Variants in TNC observed in about 807,000 individuals in gnomAD.
TNC encodes the protein tenascin C.
In TNC, 109 loss-of-function variants were observed where a neutral mutation model predicts 202.4. The observed-to-expected ratio is 0.54, with a 90% CI of 0.46 to 0.63. TNC has a LOEUF of 0.63. Among genes scored for constraint, TNC ranks in the 30% least tolerant of loss-of-function variants. TNC has a pLI of 0.00. For missense variants in TNC, 2,756 were observed against 2,833.3 expected (o/e 0.97, Z 0.62); for synonymous variants, 1,007 against 1,089.7 (o/e 0.92, Z 1.50).
intron 3 of TNC, 110 bp downstream of exon 3, chr9:115,085,754 A>G (rs1834661454): frequency 9.4e-7 from 1 of 1,066,434 alleles, no homozygotes; most frequent in East Asian, 2.6e-5. Context: ...TAATACGTAC[A>G]AAGAATCAGT....
Position 115,083,235 on chromosome 9 carries a change from G to A in TNC, c.2132-428C>T, listed in dbSNP as rs561183602. ...TCCACTCCAGTGTGTAGACTGCTGG[G>A]CCTGGTTCGTGGCATGCAGAACAAG... On this transcript the variant is annotated intron_variant, in intron 4 of 27. Transcript: ENST00000350763. Among the ~76,000 whole-genome samples the A allele has an allele frequency of 3.3e-5, 5 of 152,264 alleles. No homozygotes were observed. In the East Asian group the frequency reaches 9.7e-4, roughly 29 times the overall value.
At chr9:115,058,124 C>A (rs1277696103) in intron 14 of TNC, among the ~76,000 whole-genome samples, 1 of 152,186 alleles carries the variant, frequency 6.6e-6, no homozygotes, top group Non-Finnish European at 1.5e-5. Context: ...ACCAAGAGGG[C>A]TAAGCCAAGG....
rs1325122005 is a variant in TNC, at chr9:115,073,817, G to C, written c.3000C>G (p.Ser1000Arg). The change falls in exon 10 of 28, where the codon AGC (serine) becomes AGG (arginine). Residue 1000 changes from serine (S) to arginine (R), a missense_variant. Physicochemically the swap from Ser to Arg is moderately radical, Grantham distance 110. Coordinates refer to ENST00000350763, the MANE Select transcript of TNC (RefSeq NM_002160.4). ...DLQVSETAETSLTLLWKTPLA... is the reference protein window; with the variant it reads ...DLQVSETAETRLTLLWKTPLA... Reference sequence around the variant, plus strand: ...ACGGTGTCTTCCAGAGCAGGGTCAGGCTGGTCTCTGCAGTTTCAGAAACCT... The same window carrying C: ...ACGGTGTCTTCCAGAGCAGGGTCAGCCTGGTCTCTGCAGTTTCAGAAACCT... 2.5e-6 allele frequency: 4 copies of C among 1,613,532 alleles called. No individual in the cohort carries two copies. The highest frequency in any genetic ancestry group is 3.3e-4 in the Middle Eastern group (2 of 6,084).
intron 1 of TNC, among the ~76,000 whole-genome samples, chr9:115,100,836 G>A (rs1836174035): frequency 6.6e-6 from 1 of 152,180 alleles, no homozygotes. Context: ...TTATCACGTT[G>A]TATACCTTAA....
chr9:115,047,106 T>C (rs1368558926), intron 16 of TNC, among the ~76,000 whole-genome samples: 1 of 152,290 alleles, frequency 6.6e-6, no homozygotes, highest in Non-Finnish European at 1.5e-5. Flanking sequence ...CCAGCATTAA[T>C]GATCTGTAGA....
intron 26 of TNC, among the ~76,000 whole-genome samples, chr9:115,025,046 C>T (rs1482086712): frequency 6.6e-6 from 1 of 152,178 alleles, no homozygotes; most frequent in Non-Finnish European, 1.5e-5. Context: ...AGGATGCTCT[C>T]CTGCAGAAGG....
At chr9:115,090,224 A>G (rs968263162) in intron 2 of TNC, among the ~76,000 whole-genome samples, 2 of 152,150 alleles carry the variant, frequency 1.3e-5, no homozygotes, top group African/African-American at 2.4e-5. Context: ...TAGAAATTTC[A>G]TGGCGTACTC....
At chr9:115,094,075 A>T (rs1230342225) in intron 1 of TNC, among the ~76,000 whole-genome samples, 2 of 152,170 alleles carry the variant, frequency 1.3e-5, no homozygotes, top group East Asian at 3.8e-4. Context: ...CTAAACCATG[A>T]CCTCATATAT....
chr9:115,060,124 G>T, intron 13 of TNC, 122 bp from the exon 14 acceptor site: 3 of 1,130,624 alleles, frequency 2.7e-6, no homozygotes, highest in Non-Finnish European at 3.6e-6. Flanking sequence ...TTTAATTCTT[G>T]GTCTCTGAGC....
intron 5 of TNC, 41 bp from the exon 6 acceptor site, chr9:115,081,969 C>T (rs766107229): frequency 4.5e-6 from 7 of 1,541,072 alleles, no homozygotes; most frequent in Admixed American, 2.3e-5. Flanking sequence ...AGGGGAGGTG[C>T]CAGTCTCTTA....
chr9:115,050,217 G>A (rs942739533), intron 15 of TNC, among the ~76,000 whole-genome samples: 1 of 152,104 alleles, frequency 6.6e-6, no homozygotes, highest in Non-Finnish European at 1.5e-5. Context: ...GGCAATCAAG[G>A]GCTTGTTATT....
chr9:115,088,271 T>A (rs1392344459), intron 2 of TNC, among the ~76,000 whole-genome samples: 2 of 152,224 alleles, frequency 1.3e-5, no homozygotes, highest in Non-Finnish European at 2.9e-5. Context: ...TTTCCAAAGT[T>A]TTTTGTGGAA....
At chr9:115,117,437 G>T (rs1353944316) in intron 1 of TNC, among the ~76,000 whole-genome samples, 2 of 152,202 alleles carry the variant, frequency 1.3e-5, no homozygotes, top group East Asian at 3.8e-4. Context: ...CCTCTCTTCT[G>T]TCCCCCAGCT....
intron 1 of TNC, among the ~76,000 whole-genome samples, chr9:115,104,895 G>A (rs1223341205): frequency 1.3e-5 from 2 of 152,170 alleles, no homozygotes; most frequent in African/African-American, 4.8e-5. Context: ...TTAGGCTTTC[G>A]GGAAAAGGTG....
At chr9:115,077,431 T>C (rs993156270) in intron 7 of TNC, among the ~76,000 whole-genome samples, 3 of 152,046 alleles carry the variant, frequency 2.0e-5, no homozygotes, top group Non-Finnish European at 4.4e-5. Context: ...GACCTCATGA[T>C]CTGCCTGCAT....
chr9:115,035,299 C>T lies in TNC; in HGVS notation c.5692G>A (p.Val1898Ile). Reference protein sequence around the residue: ...DSPRDLTATEVQSETALLTWR... With the variant: ...DSPRDLTATEIQSETALLTWR... ...GTAAGGAGGGCAGTTTCCGACTGAACCTCAGTAGCAGTCAAGTCTCTTGGA... is the reference window on the plus strand; with the variant it reads ...GTAAGGAGGGCAGTTTCCGACTGAATCTCAGTAGCAGTCAAGTCTCTTGGA... Residue 1898 changes from valine (V) to isoleucine (I), a missense_variant, in exon 22 of 28, where the codon GTT becomes ATT. Val to Ile is a conservative substitution (Grantham distance 29). Around this residue, in one of 2 missense-constraint regions of TNC, gnomAD observed 2,559 missense variants for 2,546.0 expected, o/e 1.01. Transcript: ENST00000350763. The T allele has an allele frequency of 2.5e-6, 4 of 1,613,370 alleles. No individual in the cohort carries two copies. Among genetic ancestry groups the T allele is most frequent in the Non-Finnish European group, 3.4e-6 (4 of 1,179,666 alleles).
Position 115,055,990 on chromosome 9 carries a change from TG to T in TNC, c.4579+1162del, listed in dbSNP as rs1371942039. On this transcript the variant is annotated intron_variant, in intron 15 of 27. Transcript: ENST00000350763. ...CCTGGCTGAGATAGCAACTGGATAA[TG>T]TTGGCTCTCTCTGCCTTATCCATGG... Among the ~76,000 whole-genome samples the T allele has an allele frequency of 2.0e-5, 3 of 152,170 alleles. No individual in the cohort carries two copies. In the East Asian group the frequency reaches 5.8e-4, roughly 29 times the overall value.
Position 115,020,203 on chromosome 9 carries a change from C to G in TNC, c.*954G>C, listed in dbSNP as rs10982496. 0.66 allele frequency: 97,931 copies of G among 149,220 alleles called. 32,575 individuals carry two copies. The highest frequency in any genetic ancestry group is 0.77 in the African/African-American group (31,347 of 40,458). The allele number at this position is 149,220 out of a possible 1,614,324, so 9.2% of individuals were successfully genotyped here. A position where few individuals can be genotyped will look rare whatever the true frequency, so the allele number is the denominator to read the frequency against. On this transcript the variant is annotated 3_prime_UTR_variant, in exon 28 of 28. Coordinates refer to ENST00000350763, the MANE Select transcript of TNC (RefSeq NM_002160.4). ...CGACAGGTGCGCACTACCACGCTTG[C>G]CTAATTAAATTTTTTTTTTTTTTTT...
intron 1 of TNC, among the ~76,000 whole-genome samples, chr9:115,115,557 C>G (rs979011065): frequency 6.6e-6 from 1 of 152,214 alleles, no homozygotes; most frequent in Non-Finnish European, 1.5e-5. Context: ...GTAGGCTCAT[C>G]ATATATTTTG....
Sources: allele counts gnomAD v4.1 joint callset (sites outside exome capture counted in the v4.1 genomes callset), GRCh38; gene constraint gnomAD v4.1.1; regional missense constraint gnomAD v4.1.1; transcripts MANE v1.5; gene names NCBI Gene and HGNC (gene_info 2026-07-23, HGNC 2026-07-21).